Variants in NT5C3A observed in about 807,000 individuals in gnomAD.
NT5C3A encodes the protein 5'-nucleotidase, cytosolic IIIA.
Under a neutral mutation model 40.0 loss-of-function variants are expected in NT5C3A, and 23 were observed. The observed-to-expected ratio is 0.58, with a 90% CI of 0.41 to 0.81. The LOEUF is 0.81. Ranked by LOEUF, NT5C3A falls within the 40% of genes least tolerant of loss-of-function variation. The pLI is 0.00. For synonymous variants in NT5C3A, 130 were observed against 141.4 expected (o/e 0.92, Z 0.57); for missense variants, 328 against 403.0 (o/e 0.81, Z 1.59).
At chr7:33,032,674 C>T (rs1351825036) in intron 1 of NT5C3A, among the ~76,000 whole-genome samples, 1 of 151,912 alleles carries the variant, frequency 6.6e-6, no homozygotes, top group Non-Finnish European at 1.5e-5. Flanking sequence ...CCAGGCTGGT[C>T]TTGAACTCCT....
chr7:33,017,413 T>G, intron 7 of NT5C3A, 26 bp downstream of exon 7: 1 of 1,521,900 alleles, frequency 6.6e-7, no homozygotes, highest in Non-Finnish European at 9.1e-7. Context: ...ATTTTAAAAT[T>G]ATGAAGAACG....
chr7:33,043,058 G>A (rs552346299), intron 1 of NT5C3A, among the ~76,000 whole-genome samples: 15 of 152,210 alleles, frequency 9.9e-5, no homozygotes, highest in African/African-American at 2.9e-4. Flanking sequence ...AACCCTAGAA[G>A]GTATGTGCTA....
chr7:33,045,620 T>C (rs1000538732), intron 1 of NT5C3A, among the ~76,000 whole-genome samples: 4 of 151,840 alleles, frequency 2.6e-5, no homozygotes, highest in East Asian at 1.9e-4. Context: ...CCACCACACC[T>C]GGCTAATTTT....
In NT5C3A at chr7:33,014,643, A is replaced by G. The variant is rs1424613489; in HGVS notation, c.*87T>C. On this transcript the variant is annotated 3_prime_UTR_variant, in exon 9 of 9. Coordinates refer to ENST00000610140, the MANE Select transcript of NT5C3A (RefSeq NM_001002010.5). ...AAGGGAACACTTCGAGAGTAAGGAT[A>G]TATTATAAATAAGTCTCTCAGCAAG... The G allele has an allele frequency of 6.4e-7, 1 of 1,560,628 alleles. No homozygotes were observed. The highest frequency in any genetic ancestry group is 8.7e-7 in the Non-Finnish European group (1 of 1,146,162).
intron 7 of NT5C3A, among the ~76,000 whole-genome samples, chr7:33,016,715 A>G (rs957739525): frequency 1.3e-5 from 2 of 151,564 alleles, no homozygotes; most frequent in African/African-American, 2.4e-5. Flanking sequence ...TCAAAATTCA[A>G]TTTTCAGTTT....
chr7:33,016,980 C>T (rs576522145), intron 7 of NT5C3A, among the ~76,000 whole-genome samples: 7 of 151,836 alleles, frequency 4.6e-5, no homozygotes, highest in South Asian at 2.1e-4. Flanking sequence ...GTCAGGAGTT[C>T]GAGACCAACC....
intron 1 of NT5C3A, among the ~76,000 whole-genome samples, chr7:33,040,227 GA>G (rs1049704354): frequency 4.6e-5 from 7 of 151,622 alleles, no homozygotes; most frequent in East Asian, 3.9e-4. Context: ...TGATTTAAAG[GA>G]AAAAAAAACC....
chr7:33,046,824 G>C (rs929706005), intron 1 of NT5C3A, among the ~76,000 whole-genome samples: 2 of 148,868 alleles, frequency 1.3e-5, no homozygotes, highest in African/African-American at 5.0e-5. Context: ...TTTTTTTGGA[G>C]ATGGAGTCTC....
intron 6 of NT5C3A, among the ~76,000 whole-genome samples, chr7:33,018,504 T>C (rs1223572611): frequency 6.6e-6 from 1 of 152,188 alleles, no homozygotes; most frequent in Non-Finnish European, 1.5e-5. Context: ...AAAAGTAACA[T>C]CATCATATTT....
chr7:33,057,520 T>C (rs1452159866), intron 1 of NT5C3A, among the ~76,000 whole-genome samples: 1 of 151,824 alleles, frequency 6.6e-6, no homozygotes, highest in Admixed American at 6.6e-5. Context: ...AGACCCTGCC[T>C]CAAAAAGAAA....
chr7:33,050,183 G>C (rs1787311302), intron 1 of NT5C3A, among the ~76,000 whole-genome samples: 1 of 152,064 alleles, frequency 6.6e-6, no homozygotes, highest in Non-Finnish European at 1.5e-5. Context: ...CTAAATAAAT[G>C]CGTAGAGTAT....
chr7:33,030,558 C>T (rs542425055), intron 1 of NT5C3A, among the ~76,000 whole-genome samples: 7 of 152,110 alleles, frequency 4.6e-5, no homozygotes, highest in African/African-American at 9.6e-5. Flanking sequence ...ATGGTAAAGC[C>T]GCAGCGTAAA....
intron 1 of NT5C3A, among the ~76,000 whole-genome samples, chr7:33,057,885 C>A (rs760557977): frequency 1.3e-5 from 2 of 152,160 alleles, no homozygotes; most frequent in African/African-American, 4.8e-5. Flanking sequence ...CTCCCTTCCT[C>A]GTTGGTTTTT....
intron 5 of NT5C3A, 105 bp from the exon 6 acceptor site, chr7:33,019,829 T>C (rs1785528978): frequency 1.4e-6 from 1 of 732,182 alleles, no homozygotes; most frequent in Admixed American, 2.0e-5. Flanking sequence ...GTTCCTCATA[T>C]TTGGATTTAA....
At chr7:33,051,101 ATCTC>A (rs1183025154) in intron 1 of NT5C3A, among the ~76,000 whole-genome samples, 1 of 152,214 alleles carries the variant, frequency 6.6e-6, no homozygotes, top group Admixed American at 6.5e-5. Context: ...TTCTTTATAT[ATCTC>A]TCTCTTTAAT....
chr7:33,035,711 T>G (rs1475927225), intron 1 of NT5C3A, among the ~76,000 whole-genome samples: 1 of 152,254 alleles, frequency 6.6e-6, no homozygotes, highest in Admixed American at 6.5e-5. Flanking sequence ...GGGAAACATT[T>G]TATATTCTGA....
chr7:33,030,937 A>C lies in NT5C3A; in HGVS notation c.139-4022T>G, dbSNP rs1786214783. Among the ~76,000 whole-genome samples the C allele has an allele frequency of 4.6e-5, 7 of 151,948 alleles. No individual in the cohort carries two copies. The South Asian group carries it at 1.5e-3, about 32-fold the overall frequency. ...ACACGGTGAAACCCTGTCTCTACTA[A>C]AAATACAAAAAATTAGCCAGGCGAG... On this transcript the variant is annotated intron_variant, in intron 1 of 8. Transcript: ENST00000610140.
chr7:33,052,944 G>A (rs1014241033), intron 1 of NT5C3A, among the ~76,000 whole-genome samples: 1 of 152,168 alleles, frequency 6.6e-6, no homozygotes, highest in African/African-American at 2.4e-5. Context: ...TACCATTGGT[G>A]TAAAACACTA....
At position 33,014,925 on chromosome 7, in the gene NT5C3A, T is replaced by C. The variant is rs1040965375; in HGVS notation, c.895-94A>G. 3.9e-5 allele frequency: 41 copies of C among 1,046,958 alleles called. No individual in the cohort carries two copies. The African/African-American group carries it at 5.9e-4, about 15-fold the overall frequency. The allele number at this position is 1,046,958 out of a possible 1,614,324, so 64.9% of individuals were successfully genotyped here. ...TCGTTGTTAGATCTCTTGGGCAAAA[T>C]GCAATAAATTAAATTCACTTTCAAA... On this transcript the variant is annotated intron_variant, in intron 8 of 8. Transcript: ENST00000610140.
Sources: allele counts gnomAD v4.1 joint callset (sites outside exome capture counted in the v4.1 genomes callset), GRCh38; gene constraint gnomAD v4.1.1; transcripts MANE v1.5; gene names NCBI Gene and HGNC (gene_info 2026-07-23, HGNC 2026-07-21).